The following TRDN variants were observed in gnomAD, a reference collection of about 807,000 sequenced individuals.
TRDN encodes the protein triadin.
In TRDN, 161 loss-of-function variants were observed where a neutral mutation model predicts 149.7. That is an observed-to-expected ratio of 1.08 (90% confidence interval 0.95 to 1.23). The LOEUF (loss-of-function observed/expected upper bound fraction) is 1.23, where lower values mean the gene tolerates loss of function less well. TRDN is among the 50% of genes most tolerant of loss of function. The probability of loss-of-function intolerance (pLI) is 0.00; values close to 1 mark genes in which losing one functional copy is unlikely to be tolerated. For synonymous variants in TRDN, 294 were observed against 250.5 expected (o/e 1.17, Z -1.64); for missense variants, 896 against 823.5 (o/e 1.09, Z -1.08).
chr6:123,472,828 G>C (rs899658790), intron 9 of TRDN, among the ~76,000 whole-genome samples: 1 of 152,090 alleles, frequency 6.6e-6, no homozygotes, highest in Non-Finnish European at 1.5e-5. Context: ...CCCCCAGCAG[G>C]GGCACACTGA....
At chr6:123,629,257 T>A (rs1050456054) in intron 1 of TRDN, among the ~76,000 whole-genome samples, 1 of 152,154 alleles carries the variant, frequency 6.6e-6, no homozygotes, top group Non-Finnish European at 1.5e-5. Context: ...TTGCTAAATA[T>A]GTATTTTGAA....
At chr6:123,280,938 T>C (rs1020634351) in intron 24 of TRDN, among the ~76,000 whole-genome samples, 2 of 152,110 alleles carry the variant, frequency 1.3e-5, no homozygotes, top group African/African-American at 4.8e-5. Context: ...TAGGCTCTCA[T>C]TCTTTTTTTG....
intron 38 of TRDN, among the ~76,000 whole-genome samples, chr6:123,241,310 G>C (rs1282804743): frequency 1.3e-5 from 2 of 151,022 alleles, no homozygotes; most frequent in East Asian, 2.0e-4. Context: ...GTCATTAAAA[G>C]AATCTTTACT....
At chr6:123,411,001 G>A (rs1773413043) in intron 12 of TRDN, among the ~76,000 whole-genome samples, 1 of 150,876 alleles carries the variant, frequency 6.6e-6, no homozygotes, top group Non-Finnish European at 1.5e-5. Context: ...TGCCTGGTGT[G>A]TAGCTGTTAT....
intron 24 of TRDN, among the ~76,000 whole-genome samples, chr6:123,289,956 T>A (rs778035802): frequency 3.6e-4 from 55 of 152,152 alleles, no homozygotes; most frequent in Non-Finnish European, 2.5e-4. Flanking sequence ...CAGAGCTAAC[T>A]CTTTCACTGT....
At chr6:123,360,066 G>C (rs183590787) in intron 20 of TRDN, among the ~76,000 whole-genome samples, 6 of 152,162 alleles carry the variant, frequency 3.9e-5, no homozygotes, top group Non-Finnish European at 7.4e-5. Flanking sequence ...GGAAGCGCAG[G>C]TTTGTTACAT....
intron 4 of TRDN, among the ~76,000 whole-genome samples, chr6:123,536,789 C>T (rs1176369939): frequency 6.6e-6 from 1 of 151,916 alleles, no homozygotes; most frequent in African/African-American, 2.4e-5. Flanking sequence ...GAGGCTGAGA[C>T]AGGAGGATCC....
intron 1 of TRDN, among the ~76,000 whole-genome samples, chr6:123,594,713 G>C (rs1783950296): frequency 6.6e-6 from 1 of 151,292 alleles, no homozygotes; most frequent in Non-Finnish European, 1.5e-5. Flanking sequence ...GATCATTTTA[G>C]GATTAATAAA....
intron 7 of TRDN, among the ~76,000 whole-genome samples, chr6:123,506,298 A>G (rs1778919343): frequency 6.6e-6 from 1 of 152,128 alleles, no homozygotes; most frequent in African/African-American, 2.4e-5. Flanking sequence ...AAACCGTGCA[A>G]TATCTGGCTT....
At chr6:123,270,490 G>A (rs1388725825) in intron 30 of TRDN, among the ~76,000 whole-genome samples, 3 of 151,830 alleles carry the variant, frequency 2.0e-5, no homozygotes, top group Non-Finnish European at 2.9e-5. Flanking sequence ...GGCTGAGGTG[G>A]GTAGGATTTC....
At chr6:123,559,953 A>G (rs1016016616) in intron 2 of TRDN, among the ~76,000 whole-genome samples, 2 of 152,090 alleles carry the variant, frequency 1.3e-5, no homozygotes, top group African/African-American at 4.8e-5. Context: ...CCTGACACCC[A>G]TCAGGCTCAG....
At chr6:123,528,398 A>G (rs753876967) in intron 5 of TRDN, among the ~76,000 whole-genome samples, 3 of 151,820 alleles carry the variant, frequency 2.0e-5, no homozygotes, top group African/African-American at 4.8e-5. Flanking sequence ...GAAAAAAACT[A>G]TAGAGAAATA....
At chr6:123,592,090 C>T (rs1051919415) in intron 1 of TRDN, among the ~76,000 whole-genome samples, 3 of 152,164 alleles carry the variant, frequency 2.0e-5, no homozygotes, top group African/African-American at 7.2e-5. Flanking sequence ...ACATTCTCAT[C>T]CTGCTCGTCC....
chr6:123,514,631 A>AACACACAC lies in TRDN; in HGVS notation c.550+1502_550+1509dup, dbSNP rs60716520. On this transcript the variant is annotated intron_variant, in intron 6 of 40. Coordinates refer to ENST00000334268, the MANE Select transcript of TRDN (RefSeq NM_006073.4). ...ATAGATGAAGGGTATACATACCCAA[A>AACACACAC]ACACACACACACACACACACACACA... is the stretch of plus-strand genomic sequence containing the variant. Among the ~76,000 whole-genome samples, 886 of 147,568 alleles carry AACACACAC rather than the reference A, an allele frequency of 6.0e-3. 2 individuals carry two copies. Among genetic ancestry groups the AACACACAC allele is most frequent in the African/African-American group, 0.015 (583 of 40,082 alleles).
chr6:123,403,801 G>A (rs1015816933), intron 12 of TRDN, among the ~76,000 whole-genome samples: 1 of 151,892 alleles, frequency 6.6e-6, no homozygotes. Context: ...GAAAAGTTTT[G>A]CGAATCAAAA....
intron 1 of TRDN, among the ~76,000 whole-genome samples, chr6:123,617,398 G>T (rs1338164217): frequency 6.6e-6 from 1 of 152,022 alleles, no homozygotes; most frequent in East Asian, 1.9e-4. Flanking sequence ...ATGGAAGCAG[G>T]TTCAATGTAG....
At chr6:123,319,951 C>T (rs1779181530) in intron 23 of TRDN, among the ~76,000 whole-genome samples, 1 of 152,068 alleles carries the variant, frequency 6.6e-6, no homozygotes, top group African/African-American at 2.4e-5. Context: ...CTTCAGCATG[C>T]AAGTGCTTAA....
At chr6:123,319,396 T>G (rs982442873) in intron 23 of TRDN, among the ~76,000 whole-genome samples, 3 of 151,996 alleles carry the variant, frequency 2.0e-5, no homozygotes, top group Non-Finnish European at 2.9e-5. Flanking sequence ...CAGTAAAGTA[T>G]TTTTTGAGCC....
chr6:123,585,523 G>C (rs1481702124), intron 1 of TRDN, among the ~76,000 whole-genome samples: 1 of 152,154 alleles, frequency 6.6e-6, no homozygotes, highest in Non-Finnish European at 1.5e-5. Context: ...GATGGTCTAG[G>C]GGGCTTCCGA....
Sources: allele counts gnomAD v4.1 joint callset (sites outside exome capture counted in the v4.1 genomes callset), GRCh38; gene constraint gnomAD v4.1.1; transcripts MANE v1.5; gene names NCBI Gene and HGNC (gene_info 2026-07-23, HGNC 2026-07-21).